The following ATL2 variants were observed in gnomAD, a reference collection of about 807,000 sequenced individuals.
The protein encoded by ATL2 is atlastin GTPase 2, also known as atlastin-2.
Under a neutral mutation model 73.9 loss-of-function variants are expected in ATL2, and 31 were observed. The observed-to-expected ratio is 0.42, with a 90% CI of 0.32 to 0.57. The LOEUF is 0.57. Among genes scored for constraint, ATL2 ranks in the 20% least tolerant of loss-of-function variants. The pLI is 0.14. For synonymous variants in ATL2, 291 were observed against 237.5 expected (o/e 1.23, Z -2.07); for missense variants, 738 against 702.6 (o/e 1.05, Z -0.57).
chr2:38,321,558 C>T (rs150623283), intron 2 of ATL2, among the ~76,000 whole-genome samples: 28 of 152,172 alleles, frequency 1.8e-4, no homozygotes, highest in African/African-American at 6.5e-4. Flanking sequence ...CTCTATGCAA[C>T]TCCTGCTCTA....
At chr2:38,322,689 T>TAA (rs200432695) in intron 2 of ATL2, among the ~76,000 whole-genome samples, 11 of 151,560 alleles carry the variant, frequency 7.3e-5, no homozygotes, top group African/African-American at 2.7e-4. Flanking sequence ...TGGAAATGTT[T>TAA]AAAAAAAAAT....
intron 2 of ATL2, among the ~76,000 whole-genome samples, chr2:38,340,952 CCA>C (rs1202439422): frequency 6.6e-6 from 1 of 152,176 alleles, no homozygotes; most frequent in African/African-American, 2.4e-5. Flanking sequence ...TGCAACTCCC[CCA>C]GGAAAAGAGA....
rs984141587 is a variant in ATL2, at chr2:38,300,250, A to G, written c.1128+22T>C. ...TCATAAATAAGTATATGTACAACAC[A>G]TATCACTCTCTCTCTCTCTACCTGA... On this transcript the variant is annotated intron_variant, in intron 10 of 12. Coordinates refer to ENST00000378954, the MANE Select transcript of ATL2 (RefSeq NM_001135673.4). 7.7e-6 allele frequency: 12 copies of G among 1,552,746 alleles called. No homozygotes were observed. The Admixed American group carries it at 1.7e-4, about 22-fold the overall frequency.
Position 38,377,268 on chromosome 2 carries a change from C to G in ATL2, c.-8G>C. 1.9e-6 allele frequency: 3 copies of G among 1,562,846 alleles called. No individual in the cohort carries two copies. Among genetic ancestry groups the G allele is most frequent in the South Asian group, 1.2e-5 (1 of 85,912 alleles). On this transcript the variant is annotated 5_prime_UTR_variant, in exon 1 of 13. Transcript: ENST00000378954. Reference sequence around the variant, plus strand: ...CTCGTCCCCCTCCGCCATCTTGTACCGATTTAAAATTAACTCCCCACTGAC... The same window carrying G: ...CTCGTCCCCCTCCGCCATCTTGTACGGATTTAAAATTAACTCCCCACTGAC...
chr2:38,294,603 A>T lies in ATL2; in HGVS notation c.*1391T>A, dbSNP rs376686006. On this transcript the variant is annotated 3_prime_UTR_variant, in exon 13 of 13. Coordinates refer to ENST00000378954, the MANE Select transcript of ATL2 (RefSeq NM_001135673.4). ...AATCGGTGTTCACAAAGAAGACCAC[A>T]AAAGTACTGAAAAAATGCTAGCCTT... is the stretch of plus-strand genomic sequence containing the variant. 1.2e-3 allele frequency among the ~76,000 whole-genome samples: 188 copies of T among 151,678 alleles called. No individual in the cohort carries two copies. Among genetic ancestry groups the T allele is most frequent in the African/African-American group, 4.1e-3 (169 of 41,212 alleles).
intron 9 of ATL2, 101 bp downstream of exon 9, chr2:38,309,278 T>C (rs1002356624): frequency 1.7e-6 from 2 of 1,158,390 alleles, no homozygotes; most frequent in South Asian, 1.8e-5. Context: ...TCTTACTCTT[T>C]TTTGTTTTAA....
intron 1 of ATL2, among the ~76,000 whole-genome samples, chr2:38,363,531 A>G (rs903779628): frequency 1.3e-5 from 2 of 152,236 alleles, no homozygotes; most frequent in Admixed American, 1.3e-4. Context: ...CTAGAAGGGC[A>G]AGTATTAAAT....
At chr2:38,317,172 C>G (rs1053192343) in intron 4 of ATL2, among the ~76,000 whole-genome samples, 1 of 152,090 alleles carries the variant, frequency 6.6e-6, no homozygotes, top group Non-Finnish European at 1.5e-5. Flanking sequence ...ATCCAAGACA[C>G]TGTGACAGCA....
intron 2 of ATL2, among the ~76,000 whole-genome samples, chr2:38,325,136 CT>C (rs1447108851): frequency 6.6e-6 from 1 of 152,218 alleles, no homozygotes; most frequent in Non-Finnish European, 1.5e-5. Flanking sequence ...TGAGATTTGA[CT>C]TTAGAGTCTT....
At chr2:38,376,871 G>T (rs1174845655) in intron 1 of ATL2, among the ~76,000 whole-genome samples, 2 of 150,568 alleles carry the variant, frequency 1.3e-5, no homozygotes, top group Non-Finnish European at 3.0e-5. Flanking sequence ...GCGGGCTGGC[G>T]GGCAGGGGGC....
chr2:38,360,870 A>C (rs1335237790), intron 1 of ATL2, among the ~76,000 whole-genome samples: 3 of 152,148 alleles, frequency 2.0e-5, no homozygotes, highest in African/African-American at 7.2e-5. Context: ...AAATTCCTGC[A>C]TACATATACA....
Position 38,298,441 on chromosome 2 carries a change from C to G in ATL2, c.1335G>C (p.Gln445His). The G allele has an allele frequency of 6.2e-7, 1 of 1,614,174 alleles. No homozygotes were observed. The change falls in exon 12 of 13, where the codon CAG (glutamine) becomes CAC (histidine). Residue 445 changes from glutamine (Q) to histidine (H), a missense_variant. Gln to His is a conservative substitution (Grantham distance 24, BLOSUM62 0). Transcript: ENST00000378954. The part of the protein sequence containing the change: ...MGGDEFCRRY[Q>H]DQLEAEIEET... ...CTTCAATTTCAGCTTCAAGCTGGTC[C>G]TGATAACGACGGCAGAACTCATCTC... is the stretch of plus-strand genomic sequence containing the variant.
At chr2:38,373,165 C>T (rs1381720207) in intron 1 of ATL2, among the ~76,000 whole-genome samples, 2 of 152,150 alleles carry the variant, frequency 1.3e-5, no homozygotes, top group African/African-American at 2.4e-5. Flanking sequence ...TGAAATCACT[C>T]ATTTGATTCC....
chr2:38,355,222 G>T (rs146229930), intron 1 of ATL2, among the ~76,000 whole-genome samples: 6,459 of 152,148 alleles, frequency 0.042, 456 homozygotes, highest in African/African-American at 0.15. Flanking sequence ...CGCCTCCTGG[G>T]TTCAAGCAAT....
chr2:38,378,398 C>T (rs758259452), upstream of ATL2, among the ~76,000 whole-genome samples: 13 of 152,310 alleles, frequency 8.5e-5, no homozygotes, highest in Non-Finnish European at 1.0e-4. Flanking sequence ...CGCCACCACA[C>T]CCTGCTAATT....
At chr2:38,323,023 G>A (rs1668408719) in intron 2 of ATL2, among the ~76,000 whole-genome samples, 1 of 152,190 alleles carries the variant, frequency 6.6e-6, no homozygotes, top group African/African-American at 2.4e-5. Context: ...TTAAATATTT[G>A]TGGAACCTCT....
At chr2:38,333,372 G>C (rs1172845907) in intron 2 of ATL2, among the ~76,000 whole-genome samples, 1 of 152,036 alleles carries the variant, frequency 6.6e-6, no homozygotes, top group African/African-American at 2.4e-5. Context: ...GAGGTAGGGA[G>C]TTAATTACCT....
chr2:38,315,137 G>T (rs1409858062), intron 5 of ATL2, 147 bp downstream of exon 5: 1 of 735,630 alleles, frequency 1.4e-6, no homozygotes, highest in Admixed American at 4.9e-5. Context: ...TGTAATGCCA[G>T]CTACTTGGGA....
intron 1 of ATL2, among the ~76,000 whole-genome samples, chr2:38,364,643 T>C (rs1301199721): frequency 1.3e-5 from 2 of 152,220 alleles, no homozygotes; most frequent in African/African-American, 4.8e-5. Flanking sequence ...GTACAATGAC[T>C]CTAAGAGCTC....
Sources: gnomAD v4.1 joint callset for allele counts (sites outside exome capture counted in the v4.1 genomes callset) on GRCh38, gnomAD v4.1.1 for gene constraint, MANE v1.5 for transcripts, NCBI Gene and HGNC (gene_info 2026-07-23, HGNC 2026-07-21) for gene names.